Variants in DENND5B observed in about 807,000 individuals in gnomAD.
DENND5B encodes the protein DENN domain containing 5B, also known as DENN domain-containing protein 5B.
In DENND5B, 34 loss-of-function variants were observed where a neutral mutation model predicts 140.6. The observed-to-expected ratio is 0.24, with a 90% CI of 0.18 to 0.32. The LOEUF (loss-of-function observed/expected upper bound fraction) is 0.32, where lower values mean the gene tolerates loss of function less well. Ranked by LOEUF, DENND5B falls within the 10% of genes least tolerant of loss-of-function variation. The probability of loss-of-function intolerance (pLI) is 1.00; values close to 1 mark genes in which losing one functional copy is unlikely to be tolerated. For synonymous variants in DENND5B, 551 were observed against 562.1 expected, an observed-to-expected ratio of 0.98 and a Z score of 0.28; for missense variants, 1,142 against 1,560.2, an observed-to-expected ratio of 0.73 and a Z score of 4.52.
chr12:31,579,727 AAGGGG>A (rs1176338962), intron 1 of DENND5B, among the ~76,000 whole-genome samples: 1,601 of 29,458 alleles, frequency 0.054, 21 homozygotes, highest in East Asian at 0.38. Context: ...AGAAAGAGGG[AAGGGG>A]AGGGGAGGGG....
intron 1 of DENND5B, among the ~76,000 whole-genome samples, chr12:31,544,242 T>TA (rs34789882): frequency 0.078 from 11,870 of 152,266 alleles, 1,059 homozygotes; most frequent in African/African-American, 0.22. Flanking sequence ...AGTTAATTCA[T>TA]AAAAATATTT....
intron 1 of DENND5B, among the ~76,000 whole-genome samples, chr12:31,584,016 G>C (rs982127368): frequency 3.5e-4 from 53 of 152,148 alleles, no homozygotes; most frequent in Non-Finnish European, 2.9e-5. Flanking sequence ...TATAGAAGAG[G>C]AAATTGTTTT....
At chr12:31,417,222 TG>T (rs780245558) in intron 11 of DENND5B, among the ~76,000 whole-genome samples, 3 of 150,734 alleles carry the variant, frequency 2.0e-5, no homozygotes, top group Non-Finnish European at 3.0e-5. Context: ...CTGGGCGTGG[TG>T]GTGGGCGCCT....
At chr12:31,567,461 A>C (rs1949670118) in intron 1 of DENND5B, among the ~76,000 whole-genome samples, 1 of 142,300 alleles carries the variant, frequency 7.0e-6, no homozygotes, top group Non-Finnish European at 1.5e-5. Context: ...GCCTCCTCAG[A>C]GGTTGCAGTG....
Position 31,479,781 on chromosome 12 carries a change from G to A in DENND5B, c.712C>T (p.Leu238Phe). ...TTCAGTGACCTCCCTGGAGGTGGAA[G>A]GGGTACTTCATAAAGAATATTGTGG... ...YIHNILYEVP[L>F]PPPGRSLKFY... The change falls in exon 3 of 21, where the codon CTT becomes TTT. Residue 238 changes from leucine (L) to phenylalanine (F), a missense_variant. Physicochemically the swap from Leu to Phe is conservative, Grantham distance 22 (BLOSUM62 0). Around this residue, in one of 5 missense-constraint regions of DENND5B, gnomAD observed 708 missense variants for 905.5 expected, o/e 0.78. Transcript: ENST00000389082. 1.2e-6 allele frequency: 2 copies of A among 1,611,232 alleles called. No individual in the cohort carries two copies. Among genetic ancestry groups the A allele is most frequent in the Non-Finnish European group, 1.7e-6 (2 of 1,178,604 alleles).
intron 7 of DENND5B, 95 bp from the exon 8 acceptor site, chr12:31,433,343 A>G (rs1943602427): frequency 9.3e-7 from 1 of 1,076,774 alleles, no homozygotes; most frequent in Non-Finnish European, 1.3e-6. Context: ...ACATTTTAAA[A>G]TCAATTATTT....
intron 11 of DENND5B, among the ~76,000 whole-genome samples, chr12:31,422,129 G>A (rs1943050663): frequency 6.6e-6 from 1 of 151,752 alleles, no homozygotes. Flanking sequence ...TGAATAAAAG[G>A]GTCTTTAAGG....
rs1477924907 is a variant in DENND5B, at chr12:31,447,619, C to T, written c.1780G>A (p.Asp594Asn). 1 of 1,613,784 alleles carries T rather than the reference C, an allele frequency of 6.2e-7. No homozygotes were observed. Among genetic ancestry groups the T allele is most frequent in the East Asian group, 2.2e-5 (1 of 44,890 alleles). The change falls in exon 6 of 21, where the codon GAT becomes AAT. Residue 594 changes from aspartate to asparagine, a missense_variant. Coordinates refer to ENST00000389082, the MANE Select transcript of DENND5B (RefSeq NM_144973.4). ...CTTACATTATACAGCCTTATCTTAT[C>T]AATCCGAGTGTCAAAGACCCGAAGC... is the stretch of plus-strand genomic sequence containing the variant. ...PLLRVFDTRI[D>N]KIRLYNVRAP...
intron 1 of DENND5B, among the ~76,000 whole-genome samples, chr12:31,542,385 GA>G (rs1313220225): frequency 1.3e-5 from 2 of 152,142 alleles, no homozygotes; most frequent in African/African-American, 4.8e-5. Context: ...TAGGATGGGG[GA>G]AAGTGGGAAT....
chr12:31,504,555 T>C (rs1947122640), intron 1 of DENND5B, among the ~76,000 whole-genome samples: 1 of 152,138 alleles, frequency 6.6e-6, no homozygotes, highest in Non-Finnish European at 1.5e-5. Context: ...TTGGGGGCTG[T>C]TTTTCAGCCT....
Position 31,484,969 on chromosome 12 carries a change from CAAG to C in DENND5B, c.238-4717_238-4715del, listed in dbSNP as rs201281416. On this transcript the variant is annotated intron_variant, in intron 2 of 20. Coordinates refer to ENST00000389082, the MANE Select transcript of DENND5B (RefSeq NM_144973.4). ...GCGATGACCAGCTTAGTGGCTGAAC[CAAG>C]AAGAAGCTCTAAAGTACTTCCCAAA... 9.9e-3 allele frequency among the ~76,000 whole-genome samples: 1,514 copies of C among 152,176 alleles called. 27 individuals are homozygous for C. The highest frequency in any genetic ancestry group is 0.034 in the African/African-American group (1,427 of 41,520).
chr12:31,565,260 G>A (rs544572077), intron 1 of DENND5B, among the ~76,000 whole-genome samples: 9 of 152,146 alleles, frequency 5.9e-5, no homozygotes, highest in South Asian at 2.1e-4. Context: ...TAGGTGTGCC[G>A]GCACACACCT....
chr12:31,448,472 A>G (rs1245101288), intron 5 of DENND5B, among the ~76,000 whole-genome samples: 2 of 152,176 alleles, frequency 1.3e-5, no homozygotes, highest in Non-Finnish European at 2.9e-5. Flanking sequence ...TTCCTAGCCT[A>G]TGAAATATAC....
chr12:31,579,703 A>T (rs1950146930), intron 1 of DENND5B, among the ~76,000 whole-genome samples: 2 of 133,824 alleles, frequency 1.5e-5, no homozygotes, highest in Non-Finnish European at 3.2e-5. Context: ...AAGGAGAAAG[A>T]GAGAAAGAGT....
chr12:31,530,924 G>A (rs1046502204), intron 1 of DENND5B, among the ~76,000 whole-genome samples: 4 of 151,994 alleles, frequency 2.6e-5, no homozygotes, highest in Admixed American at 2.0e-4. Flanking sequence ...TTTACTCTAG[G>A]GATCTCAAAA....
At position 31,479,698 on chromosome 12, in the gene DENND5B, G is replaced by C. The variant is rs781239650; in HGVS notation, c.795C>G (p.Pro265=). ...ICQRPGPSEL[P]LSDYPLREAF... Reference sequence around the variant, plus strand: ...CCTCCCGAAGGGGGTAATCAGAGAGGGGGAGTTCACTGGGCCCAGGCCTCT... The same window carrying C: ...CCTCCCGAAGGGGGTAATCAGAGAGCGGGAGTTCACTGGGCCCAGGCCTCT... Residue 265 remains proline, a synonymous_variant, in exon 3 of 21, where the codon CCC becomes CCG. Transcript: ENST00000389082. The C allele has an allele frequency of 2.5e-6, 4 of 1,595,202 alleles. 1 individual carries two copies. The highest frequency in any genetic ancestry group is 3.3e-4 in the Middle Eastern group (2 of 6,040).
At chr12:31,406,156 T>C (rs1942119836) in intron 14 of DENND5B, among the ~76,000 whole-genome samples, 1 of 152,096 alleles carries the variant, frequency 6.6e-6, no homozygotes, top group Non-Finnish European at 1.5e-5. Context: ...ATTTTTTTTT[T>C]TAAGTAGGGT....
intron 3 of DENND5B, among the ~76,000 whole-genome samples, chr12:31,461,435 A>G (rs1378079178): frequency 6.6e-6 from 1 of 152,304 alleles, no homozygotes; most frequent in East Asian, 1.9e-4. Context: ...CCACAATAGT[A>G]AAGCAGCCTT....
rs377238641 is a variant in DENND5B, at chr12:31,582,383, A to T, written c.127+8323T>A. Among the ~76,000 whole-genome samples the T allele has an allele frequency of 2.1e-4, 32 of 152,180 alleles. 2 individuals carry two copies. The highest frequency in any genetic ancestry group is 1.6e-3 in the Admixed American group (24 of 15,274). ...GCATTCAGCTCTAACTGCTGTACTCACTGCCCTGCCAGCTATGGTTTCACA... is the reference window on the plus strand; with the variant it reads ...GCATTCAGCTCTAACTGCTGTACTCTCTGCCCTGCCAGCTATGGTTTCACA... On this transcript the variant is annotated intron_variant, in intron 1 of 20. Coordinates refer to ENST00000389082, the MANE Select transcript of DENND5B (RefSeq NM_144973.4).
Sources: gnomAD v4.1 joint callset for allele counts (sites outside exome capture counted in the v4.1 genomes callset) on GRCh38, gnomAD v4.1.1 for gene constraint, gnomAD v4.1.1 regional missense constraint, MANE v1.5 for transcripts, NCBI Gene and HGNC (gene_info 2026-07-23, HGNC 2026-07-21) for gene names.